Variants in QTGAL observed in about 807,000 individuals in gnomAD.
The protein encoded by QTGAL is BGnT-like protein 1.
the QTGAL span, among the ~76,000 whole-genome samples, chr17:83,002,855 G>A: frequency 1.1e-5 from 1 of 94,072 alleles, no homozygotes; most frequent in Middle Eastern, 5.6e-3. Flanking sequence ...CCCACTCTCT[G>A]CAGTCCGCGT....
the QTGAL span, among the ~76,000 whole-genome samples, chr17:83,017,377 C>T: frequency 6.6e-6 from 1 of 152,130 alleles, no homozygotes; most frequent in African/African-American, 2.4e-5. Context: ...AATCCCAGCA[C>T]TTTGGGAGGC....
At chr17:82,943,007 G>A in the QTGAL span, 6 of 171,312 alleles carry the variant, frequency 3.5e-5, no homozygotes, top group South Asian at 7.4e-4. Flanking sequence ...TGGTGGGGGT[G>A]CTGTCCTCCC....
At chr17:82,998,063 T>C in the QTGAL span, among the ~76,000 whole-genome samples, 11 of 151,544 alleles carry the variant, frequency 7.3e-5, 1 homozygote, top group South Asian at 2.3e-3. Context: ...ACAGGGTGAC[T>C]ATAGTCAAAA....
chr17:82,963,136 C>G, the QTGAL span, among the ~76,000 whole-genome samples: 1 of 152,198 alleles, frequency 6.6e-6, no homozygotes, highest in Admixed American at 6.5e-5. Context: ...CTCACAGAAC[C>G]ATCCTCGGGC....
chr17:83,035,969 G>GT, the QTGAL span, among the ~76,000 whole-genome samples: 2 of 152,112 alleles, frequency 1.3e-5, no homozygotes, highest in African/African-American at 2.4e-5. Context: ...CTGGACGCGT[G>GT]GTGGGTGATC....
At chr17:82,997,734 T>TG in the QTGAL span, among the ~76,000 whole-genome samples, 1 of 152,088 alleles carries the variant, frequency 6.6e-6, no homozygotes, top group Non-Finnish European at 1.5e-5. Context: ...TAGACGGCAC[T>TG]GGGGGGTCAT....
the QTGAL span, among the ~76,000 whole-genome samples, chr17:82,997,925 A>AT: frequency 2.7e-4 from 15 of 55,230 alleles, no homozygotes; most frequent in South Asian, 1.2e-3. Flanking sequence ...GGGTTTAAAA[A>AT]AAAAAATATA....
the QTGAL span, among the ~76,000 whole-genome samples, chr17:82,951,599 C>A: frequency 6.6e-6 from 1 of 152,140 alleles, no homozygotes; most frequent in Non-Finnish European, 1.5e-5. Context: ...CTTGGCTAAC[C>A]GTTAGGCTGA....
the QTGAL span, among the ~76,000 whole-genome samples, chr17:83,046,496 A>G: frequency 6.6e-6 from 1 of 152,258 alleles, no homozygotes; most frequent in Admixed American, 6.5e-5. Context: ...TCTTTAGTCA[A>G]CAAGGACATT....
chr17:82,974,818 A>C, the QTGAL span, among the ~76,000 whole-genome samples: 1 of 152,210 alleles, frequency 6.6e-6, no homozygotes, highest in Non-Finnish European at 1.5e-5. Context: ...CAGTGTCTGC[A>C]CGGCGCAGAC....
the QTGAL span, among the ~76,000 whole-genome samples, chr17:82,980,433 C>A: frequency 9.9e-5 from 15 of 152,062 alleles, no homozygotes; most frequent in African/African-American, 3.6e-4. Context: ...CAGCCTCAGA[C>A]CCCCCCAGGT....
At chr17:83,020,915 G>A in the QTGAL span, among the ~76,000 whole-genome samples, 1 of 152,178 alleles carries the variant, frequency 6.6e-6, no homozygotes, top group East Asian at 1.9e-4. Flanking sequence ...GGGCATGAAA[G>A]GGGCTTCCGA....
chr17:83,019,019 G>A, the QTGAL span, among the ~76,000 whole-genome samples: 1 of 152,202 alleles, frequency 6.6e-6, no homozygotes, highest in African/African-American at 2.4e-5. Flanking sequence ...TCTACAGGCC[G>A]AGAGGTCTGG....
At chr17:83,050,920 G>A in the QTGAL span, among the ~76,000 whole-genome samples, 1 of 151,992 alleles carries the variant, frequency 6.6e-6, no homozygotes. Context: ...TGTGAAGCAG[G>A]TGTGCAGGCA....
At chr17:82,978,552 C>G in the QTGAL span, 1 of 152,080 alleles carries the variant, frequency 6.6e-6, no homozygotes, top group Non-Finnish European at 1.5e-5. This position sits in a 1 kb window ranked among gnomAD's most constrained non-coding sequence, Gnocchi z 4.8. Flanking sequence ...CTGAAGCATC[C>G]CGACCGTGAA....
At chr17:83,030,422 G>A in the QTGAL span, among the ~76,000 whole-genome samples, 1 of 152,250 alleles carries the variant, frequency 6.6e-6, no homozygotes, top group South Asian at 2.1e-4. Flanking sequence ...GGCAGCTGTA[G>A]AGGTGGAAAG....
At chr17:82,961,166 G>A in the QTGAL span, 3 of 1,607,482 alleles carry the variant, frequency 1.9e-6, no homozygotes, top group African/African-American at 2.7e-5. Flanking sequence ...AAGAACAGCA[G>A]GTCCTCCGGG....
At chr17:83,028,172 A>T in the QTGAL span, among the ~76,000 whole-genome samples, 2 of 152,220 alleles carry the variant, frequency 1.3e-5, no homozygotes, top group African/African-American at 4.8e-5. Flanking sequence ...AAAAGGTAAG[A>T]GGTGAGATAT....
At chr17:83,026,184 C>A in the QTGAL span, among the ~76,000 whole-genome samples, 1 of 152,186 alleles carries the variant, frequency 6.6e-6, no homozygotes, top group Non-Finnish European at 1.5e-5. Context: ...CAAAAGTGAA[C>A]CCCCCGGAAT....
Sources: allele counts gnomAD v4.1 joint callset (sites outside exome capture counted in the v4.1 genomes callset), GRCh38; gene constraint gnomAD v4.1.1; non-coding constraint Gnocchi (gnomAD v3.1); transcripts MANE v1.5; gene names NCBI Gene and HGNC (gene_info 2026-07-23, HGNC 2026-07-21).